Variants in PPP2R5E observed in about 807,000 individuals in gnomAD.
PPP2R5E encodes protein phosphatase 2 regulatory subunit B'epsilon, also known as serine/threonine-protein phosphatase 2A 56 kDa regulatory subunit epsilon isoform.
A neutral mutation model predicts 65.3 loss-of-function variants in PPP2R5E; 4 were observed. The observed-to-expected ratio is 0.06, with a 90% CI of 0.03 to 0.14. PPP2R5E has a LOEUF of 0.14. PPP2R5E is among the 10% of genes least tolerant of loss of function. The pLI, the probability that PPP2R5E is intolerant of heterozygous loss-of-function variation, is 1.00. For missense variants in PPP2R5E, 274 were observed against 556.1 expected (o/e 0.49, Z 5.10); for synonymous variants, 183 against 187.4 (o/e 0.98, Z 0.19).
At chr14:63,406,342 C>T (rs1471808933) in intron 5 of PPP2R5E, among the ~76,000 whole-genome samples, 3 of 147,562 alleles carry the variant, frequency 2.0e-5, no homozygotes, top group South Asian at 2.2e-4. Context: ...ACCCGGGAGG[C>T]GGAGGTTGCC....
At chr14:63,378,288 G>A (rs1388133895) in intron 13 of PPP2R5E, among the ~76,000 whole-genome samples, 1 of 152,062 alleles carries the variant, frequency 6.6e-6, no homozygotes, top group Admixed American at 6.5e-5. Flanking sequence ...GGTTCACATT[G>A]CCCTAATTTG....
At chr14:63,396,282 G>C (rs1309071205) in intron 6 of PPP2R5E, among the ~76,000 whole-genome samples, 5 of 88,428 alleles carry the variant, frequency 5.7e-5, no homozygotes, top group Admixed American at 1.1e-4. Context: ...AGTAGGGGGA[G>C]AGGAGGGATA....
intron 11 of PPP2R5E, among the ~76,000 whole-genome samples, chr14:63,388,608 G>A (rs1884822475): frequency 1.3e-5 from 2 of 152,132 alleles, no homozygotes; most frequent in South Asian, 4.1e-4. Flanking sequence ...TTTTTATTCA[G>A]GCTTGTCATG....
intron 2 of PPP2R5E, among the ~76,000 whole-genome samples, chr14:63,457,675 A>C (rs1889199732): frequency 6.6e-6 from 1 of 152,186 alleles, no homozygotes; most frequent in Non-Finnish European, 1.5e-5. Context: ...AAGGGATCCC[A>C]CAGAAGCACG....
At chr14:63,474,893 G>C (rs775446258) in intron 2 of PPP2R5E, among the ~76,000 whole-genome samples, 15 of 152,160 alleles carry the variant, frequency 9.9e-5, no homozygotes, top group Non-Finnish European at 1.8e-4. Context: ...CTTACAAGTT[G>C]AGTAGAGGAG....
intron 3 of PPP2R5E, among the ~76,000 whole-genome samples, chr14:63,449,872 ATTTTTTT>A (rs35931655): frequency 3.8e-5 from 4 of 105,414 alleles, no homozygotes; most frequent in African/African-American, 7.9e-5. Flanking sequence ...TTCTTTTCCT[ATTTTTTT>A]TTTTTTTTTT....
chr14:63,440,651 G>A (rs901665030), intron 3 of PPP2R5E, among the ~76,000 whole-genome samples: 2 of 151,908 alleles, frequency 1.3e-5, no homozygotes, highest in African/African-American at 4.8e-5. Context: ...AAGAGCATGG[G>A]TTCTGGGCCG....
chr14:63,392,066 A>C (rs1365708198), intron 8 of PPP2R5E, 41 bp from the exon 9 acceptor site: 8 of 1,501,254 alleles, frequency 5.3e-6, no homozygotes, highest in Non-Finnish European at 7.2e-6. Context: ...TTTAAATTCT[A>C]TACAGTAAGG....
chr14:63,534,077 A>T (rs12433448), intron 2 of PPP2R5E, among the ~76,000 whole-genome samples: 16,419 of 152,246 alleles, frequency 0.11, 935 homozygotes, highest in East Asian at 0.16. Flanking sequence ...AACGCAAGGA[A>T]ATGAGGCACA....
chr14:63,478,896 G>A (rs982824069), intron 2 of PPP2R5E, among the ~76,000 whole-genome samples: 2 of 152,132 alleles, frequency 1.3e-5, no homozygotes, highest in Non-Finnish European at 2.9e-5. Flanking sequence ...CCTGAGGCAG[G>A]CAGATCACTT....
chr14:63,493,418 C>T (rs1032376873), intron 2 of PPP2R5E, among the ~76,000 whole-genome samples: 1 of 150,444 alleles, frequency 6.6e-6, no homozygotes, highest in Non-Finnish European at 1.5e-5. Context: ...TACTCTTTCC[C>T]GCTTCAATCC....
intron 3 of PPP2R5E, among the ~76,000 whole-genome samples, chr14:63,422,586 C>T (rs765733815): frequency 4.6e-5 from 7 of 151,924 alleles, no homozygotes; most frequent in Non-Finnish European, 7.4e-5. Context: ...ATTAGCCGGG[C>T]GAGGTGGCAG....
intron 3 of PPP2R5E, among the ~76,000 whole-genome samples, chr14:63,442,971 G>A (rs1486699972): frequency 1.3e-5 from 2 of 152,224 alleles, no homozygotes; most frequent in South Asian, 2.1e-4. Context: ...ATAATGTAGC[G>A]AGGTTAACCA....
chr14:63,523,916 A>G (rs1027679265), intron 2 of PPP2R5E, among the ~76,000 whole-genome samples: 2 of 152,108 alleles, frequency 1.3e-5, no homozygotes, highest in African/African-American at 2.4e-5. Flanking sequence ...TGATTCCTAC[A>G]CTGCTAGTAG....
intron 2 of PPP2R5E, among the ~76,000 whole-genome samples, chr14:63,470,411 G>A (rs1402592861): frequency 6.7e-6 from 1 of 149,608 alleles, no homozygotes; most frequent in African/African-American, 2.5e-5. Context: ...CAACCCCAAG[G>A]CACACAGTAT....
chr14:63,401,372 TC>T (rs1885744459), intron 5 of PPP2R5E, among the ~76,000 whole-genome samples: 1 of 152,170 alleles, frequency 6.6e-6, no homozygotes, highest in Admixed American at 6.5e-5. Flanking sequence ...GACTGTGCCA[TC>T]CCTAATATAA....
In PPP2R5E at chr14:63,508,971, G is replaced by A. The variant is rs560503388; in HGVS notation, c.157+30558C>T. On this transcript the variant is annotated intron_variant, in intron 2 of 13. Transcript: ENST00000337537. ...ACTTGAAGAATATGATTCTAATCAAGTACAAGTTAATCTGCACCTGAACAT... is the reference window on the plus strand; with the variant it reads ...ACTTGAAGAATATGATTCTAATCAAATACAAGTTAATCTGCACCTGAACAT... 7.2e-5 allele frequency among the ~76,000 whole-genome samples: 11 copies of A among 152,324 alleles called. No individual in the cohort carries two copies. In the South Asian group the frequency reaches 2.3e-3, roughly 32 times the overall value.
intron 3 of PPP2R5E, among the ~76,000 whole-genome samples, chr14:63,442,361 TATAAACAGTCC>T (rs1888277412): frequency 6.6e-6 from 1 of 152,158 alleles, no homozygotes; most frequent in South Asian, 2.1e-4. Flanking sequence ...ATTCTAATAT[TATAAACAGTCC>T]ACCCTCACCC....
At chr14:63,463,888 G>A (rs1183747479) in intron 2 of PPP2R5E, among the ~76,000 whole-genome samples, 3 of 152,094 alleles carry the variant, frequency 2.0e-5, no homozygotes, top group African/African-American at 7.2e-5. Flanking sequence ...GAGCCATCGC[G>A]CCCGGCCGAA....
Sources: allele counts gnomAD v4.1 joint callset (sites outside exome capture counted in the v4.1 genomes callset), GRCh38; gene constraint gnomAD v4.1.1; transcripts MANE v1.5; gene names NCBI Gene and HGNC (gene_info 2026-07-23, HGNC 2026-07-21).